Variants in DARS1 observed in about 807,000 individuals in gnomAD.
The protein encoded by DARS1 is aspartate--tRNA ligase, cytoplasmic.
DARS1 carries 51 observed loss-of-function variants against 68.8 expected under a neutral mutation model. The observed-to-expected ratio is 0.74, with a 90% CI of 0.59 to 0.94. DARS1 has a LOEUF of 0.94. Among genes scored for constraint, DARS1 ranks in the 40% least tolerant of loss-of-function variants. DARS1 has a pLI of 0.00. For synonymous variants in DARS1, 203 were observed against 190.4 expected (o/e 1.07, Z -0.55); for missense variants, 607 against 597.3 (o/e 1.02, Z -0.17).
intron 10 of DARS1, among the ~76,000 whole-genome samples, chr2:135,916,834 T>C (rs1575383634): frequency 1.3e-5 from 2 of 152,156 alleles, no homozygotes; most frequent in African/African-American, 2.4e-5. Context: ...ATATAGAAGG[T>C]ACAGGACAAT....
rs140573664 is a variant in DARS1 at position 135,943,398 on chromosome 2, C to T, written c.403G>A (p.Val135Ile). 1.0e-4 allele frequency: 162 copies of T among 1,612,660 alleles called. 1 individual carries two copies. The African/African-American group carries it at 1.9e-3, about 18-fold the overall frequency. The change falls in exon 5 of 16, where the codon GTT (valine) becomes ATT (isoleucine). Residue 135 changes from valine (V) to isoleucine (I), a missense_variant. Val to Ile is a conservative substitution (Grantham distance 29, BLOSUM62 3). Transcript: ENST00000264161. ...CTTACCTTCTGAACATGTAACTCAA[C>T]GTCTTGCTGTGTACAGCTTCCAATT... ...QKIGSCTQQD[V>I]ELHVQKIYVI...
At chr2:135,963,949 G>A (rs1338653310) in intron 3 of DARS1, among the ~76,000 whole-genome samples, 4 of 152,148 alleles carry the variant, frequency 2.6e-5, no homozygotes, top group African/African-American at 4.8e-5. Flanking sequence ...CCAAAGTGCC[G>A]GGATTACAGG....
intron 15 of DARS1, among the ~76,000 whole-genome samples, chr2:135,909,227 G>A (rs540359739): frequency 2.0e-5 from 3 of 152,036 alleles, no homozygotes; most frequent in African/African-American, 4.8e-5. Flanking sequence ...AAGCCCCCAT[G>A]GCACATGTTT....
intron 4 of DARS1, among the ~76,000 whole-genome samples, chr2:135,947,886 C>T (rs1681761955): frequency 6.6e-6 from 1 of 151,464 alleles, no homozygotes; most frequent in Non-Finnish European, 1.5e-5. Context: ...TAATAGTTTC[C>T]CAAATGTCCA....
chr2:135,983,527 T>C, intron 1 of DARS1, 73 bp from the exon 2 acceptor site: 1 of 605,856 alleles, frequency 1.7e-6, no homozygotes, highest in Non-Finnish European at 2.9e-6. Flanking sequence ...TAAATACTAA[T>C]AATAGAATAT....
chr2:135,935,492 C>G (rs964986083), intron 5 of DARS1, among the ~76,000 whole-genome samples: 1 of 151,818 alleles, frequency 6.6e-6, no homozygotes, highest in Non-Finnish European at 1.5e-5. Context: ...CCCAGCTACT[C>G]GGGAGGCTGA....
chr2:135,909,895 C>A lies in DARS1; in HGVS notation c.1414+1244G>T, dbSNP rs183457741. 6.6e-5 allele frequency among the ~76,000 whole-genome samples: 10 copies of A among 152,088 alleles called. No individual in the cohort carries two copies. In the East Asian group the frequency reaches 1.2e-3, roughly 18 times the overall value. ...ATACTCAAAAACATAAACAAAAAAA[C>A]CAAAAAATGCTCATTGGAGCACTTC... is the stretch of plus-strand genomic sequence containing the variant. On this transcript the variant is annotated intron_variant, in intron 15 of 15. Transcript: ENST00000264161.
chr2:135,917,000 A>C (rs1681018966), intron 10 of DARS1, among the ~76,000 whole-genome samples: 1 of 152,138 alleles, frequency 6.6e-6, no homozygotes, highest in South Asian at 2.1e-4. Flanking sequence ...CAGTCTGGCC[A>C]ACATGGTGAA....
intron 3 of DARS1, among the ~76,000 whole-genome samples, chr2:135,970,403 A>C (rs970191642): frequency 6.6e-6 from 1 of 152,082 alleles, no homozygotes; most frequent in African/African-American, 2.4e-5. Flanking sequence ...TGGGTCAATG[A>C]AGAAATTAAG....
At chr2:135,964,718 G>A (rs557895445) in intron 3 of DARS1, among the ~76,000 whole-genome samples, 2 of 151,654 alleles carry the variant, frequency 1.3e-5, no homozygotes, top group South Asian at 4.2e-4. Context: ...GCAGGTGCCT[G>A]TAATACCAAC....
chr2:135,981,981 T>C (rs770357238), intron 2 of DARS1, among the ~76,000 whole-genome samples: 99 of 152,144 alleles, frequency 6.5e-4, no homozygotes, highest in Admixed American at 2.8e-3. Flanking sequence ...GAAAAGTGAT[T>C]TTGTGATCAT....
At chr2:135,951,453 C>G (rs1681836731) in intron 4 of DARS1, among the ~76,000 whole-genome samples, 1 of 152,198 alleles carries the variant, frequency 6.6e-6, no homozygotes, top group African/African-American at 2.4e-5. Context: ...TGTAAGCAAA[C>G]AGATAAGATT....
chr2:135,982,159 C>T (rs1372192170), intron 2 of DARS1, among the ~76,000 whole-genome samples: 2 of 151,838 alleles, frequency 1.3e-5, no homozygotes, highest in Non-Finnish European at 2.9e-5. Context: ...AAGTGTCTAC[C>T]AAAAGAAAAA....
chr2:135,912,880 A>C (rs976448466), intron 12 of DARS1, among the ~76,000 whole-genome samples: 2 of 151,420 alleles, frequency 1.3e-5, no homozygotes, highest in Admixed American at 6.6e-5. Context: ...CTTAAGCAGG[A>C]GCCTGGCTAA....
intron 4 of DARS1, among the ~76,000 whole-genome samples, chr2:135,955,004 T>C (rs1342295611): frequency 6.6e-6 from 1 of 152,102 alleles, no homozygotes; most frequent in Non-Finnish European, 1.5e-5. Context: ...AGAAATCCTA[T>C]ATATTGATGT....
At chr2:135,975,232 C>A (rs1682468833) in intron 3 of DARS1, among the ~76,000 whole-genome samples, 1 of 152,120 alleles carries the variant, frequency 6.6e-6, no homozygotes, top group South Asian at 2.1e-4. Flanking sequence ...GTAGTCCCAG[C>A]TACTTGGGAG....
chr2:135,928,990 T>C (rs894819535), intron 7 of DARS1, among the ~76,000 whole-genome samples: 1 of 152,194 alleles, frequency 6.6e-6, no homozygotes, highest in South Asian at 2.1e-4. Flanking sequence ...TAATAACAAC[T>C]GCAACAGGGG....
chr2:135,978,958 C>T (rs1308825239), intron 3 of DARS1: 8 of 196,486 alleles, frequency 4.1e-5, no homozygotes, highest in Non-Finnish European at 6.7e-5. Flanking sequence ...TTAAAGTTTA[C>T]TCTTTTTTTT....
At chr2:135,958,416 C>G (rs577960983) in intron 4 of DARS1, among the ~76,000 whole-genome samples, 4 of 152,238 alleles carry the variant, frequency 2.6e-5, no homozygotes, top group African/African-American at 9.6e-5. Context: ...CGCTAAAACA[C>G]AGTTAACAAT....
Sources: allele counts gnomAD v4.1 joint callset (sites outside exome capture counted in the v4.1 genomes callset), GRCh38; gene constraint gnomAD v4.1.1; transcripts MANE v1.5; gene names NCBI Gene and HGNC (gene_info 2026-07-23, HGNC 2026-07-21).